Variants in RAB3C observed in about 807,000 individuals in gnomAD.
The protein encoded by RAB3C is ras-related protein Rab-3C.
Under a neutral mutation model 26.4 loss-of-function variants are expected in RAB3C, and 17 were observed. The ratio of observed to expected loss-of-function variants is 0.64; its 90% CI spans 0.44 to 0.97. The LOEUF is 0.97. Among genes scored for constraint, RAB3C ranks in the 50% least tolerant of loss-of-function variants. The pLI, the probability that RAB3C is intolerant of heterozygous loss-of-function variation, is 0.00. For missense variants in RAB3C, 242 were observed against 281.9 expected, an observed-to-expected ratio of 0.86 and a Z score of 1.01; for synonymous variants, 91 against 95.9, an observed-to-expected ratio of 0.95 and a Z score of 0.30.
At chr5:58,786,123 ATTG>A (rs1742374944) in intron 3 of RAB3C, among the ~76,000 whole-genome samples, 1 of 152,214 alleles carries the variant, frequency 6.6e-6, no homozygotes, top group South Asian at 2.1e-4. Flanking sequence ...CAAGGTCTTT[ATTG>A]TTATTTGGAA....
intron 1 of RAB3C, among the ~76,000 whole-genome samples, chr5:58,599,981 C>T (rs1056752075): frequency 1.3e-5 from 2 of 152,044 alleles, no homozygotes; most frequent in African/African-American, 2.4e-5. Context: ...TATAGTTTCA[C>T]GTCTTAGGTT....
intron 3 of RAB3C, among the ~76,000 whole-genome samples, chr5:58,818,701 C>G (rs531827417): frequency 1.3e-5 from 2 of 152,290 alleles, no homozygotes; most frequent in Admixed American, 6.5e-5. Flanking sequence ...AGAAATAAAT[C>G]ATCTTTTCAC....
intron 1 of RAB3C, among the ~76,000 whole-genome samples, chr5:58,584,307 C>T (rs1396699006): frequency 1.3e-5 from 2 of 152,016 alleles, no homozygotes; most frequent in Non-Finnish European, 2.9e-5. Flanking sequence ...TATTAAGAAC[C>T]CCTTACTGGA....
intron 3 of RAB3C, among the ~76,000 whole-genome samples, chr5:58,780,833 T>C (rs1049820312): frequency 3.3e-5 from 5 of 152,130 alleles, no homozygotes; most frequent in African/African-American, 1.2e-4. Context: ...GGCTTCTTCC[T>C]TAATGATGGG....
chr5:58,745,813 T>C (rs771667459), intron 3 of RAB3C, among the ~76,000 whole-genome samples: 2 of 152,330 alleles, frequency 1.3e-5, no homozygotes, highest in African/African-American at 2.4e-5. Flanking sequence ...TATTGTACTT[T>C]GCTGTAAAGT....
At chr5:58,809,648 G>C (rs1743025270) in intron 3 of RAB3C, among the ~76,000 whole-genome samples, 1 of 152,176 alleles carries the variant, frequency 6.6e-6, no homozygotes, top group Admixed American at 6.5e-5. Flanking sequence ...TCAAGCCTCT[G>C]AGAGGTAATT....
chr5:58,851,196 A>G lies in RAB3C; in HGVS notation c.529A>G (p.Asn177Asp). 6.2e-7 allele frequency: 1 copy of G among 1,608,964 alleles called. No homozygotes were observed. The highest frequency in any genetic ancestry group is 1.1e-5 in the South Asian group (1 of 89,786). ...FEFFETSAKDNINVKQTFERL... is the reference protein window; with the variant it reads ...FEFFETSAKDDINVKQTFERL... ...GTTTTTTGAAACAAGTGCCAAGGACAACATTAATGTCAAGCAGACATTTGA... is the reference window on the plus strand; with the variant it reads ...GTTTTTTGAAACAAGTGCCAAGGACGACATTAATGTCAAGCAGACATTTGA... Residue 177 changes from asparagine (N) to aspartate (D), a missense_variant, in exon 5 of 5, where the codon AAC becomes GAC. Asn to Asp is a conservative substitution (Grantham distance 23). Coordinates refer to ENST00000282878, the MANE Select transcript of RAB3C (RefSeq NM_138453.4).
intron 2 of RAB3C, among the ~76,000 whole-genome samples, chr5:58,688,955 TA>T (rs1425264287): frequency 1.3e-5 from 2 of 152,130 alleles, no homozygotes; most frequent in Non-Finnish European, 1.5e-5. Context: ...TCCTCCATAA[TA>T]GGGACTAGAA....
intron 1 of RAB3C, among the ~76,000 whole-genome samples, chr5:58,613,578 A>G (rs556762054): frequency 1.3e-5 from 2 of 152,154 alleles, no homozygotes; most frequent in Admixed American, 6.6e-5. Context: ...AAAGGTTGAC[A>G]CTTTCATAAA....
At chr5:58,587,550 G>A (rs540181765) in intron 1 of RAB3C, among the ~76,000 whole-genome samples, 6 of 152,034 alleles carry the variant, frequency 3.9e-5, no homozygotes, top group East Asian at 1.9e-4. Flanking sequence ...AGCATTTTTC[G>A]TTCATTAGTT....
chr5:58,847,592 A>G (rs1382905180), intron 4 of RAB3C, among the ~76,000 whole-genome samples: 1 of 152,184 alleles, frequency 6.6e-6, no homozygotes, highest in Non-Finnish European at 1.5e-5. Flanking sequence ...TTAGGCCATG[A>G]GCTTTAAGCA....
At chr5:58,756,992 G>A (rs1180673247) in intron 3 of RAB3C, among the ~76,000 whole-genome samples, 2 of 152,256 alleles carry the variant, frequency 1.3e-5, no homozygotes, top group African/African-American at 4.8e-5. Flanking sequence ...TGGTATTTCT[G>A]ATTCTAGATC....
chr5:58,766,821 G>A (rs2111983211), intron 3 of RAB3C, among the ~76,000 whole-genome samples: 1 of 152,286 alleles, frequency 6.6e-6, no homozygotes, highest in Non-Finnish European at 1.5e-5. Context: ...AGTAACACAG[G>A]CTAGCATGTA....
At chr5:58,708,743 T>C (rs1749001679) in intron 2 of RAB3C, among the ~76,000 whole-genome samples, 1 of 152,238 alleles carries the variant, frequency 6.6e-6, no homozygotes, top group African/African-American at 2.4e-5. Flanking sequence ...ATGTTGTCAG[T>C]GAAATTTAAA....
intron 4 of RAB3C, among the ~76,000 whole-genome samples, chr5:58,844,620 G>A (rs1743947396): frequency 6.6e-6 from 1 of 152,094 alleles, no homozygotes; most frequent in Admixed American, 6.6e-5. Context: ...TTGCAGTTCT[G>A]GCCCATCCAG....
intron 2 of RAB3C, among the ~76,000 whole-genome samples, chr5:58,713,933 T>C (rs767526915): frequency 1.3e-5 from 2 of 152,206 alleles, no homozygotes; most frequent in Non-Finnish European, 2.9e-5. Context: ...ACTGAAATTT[T>C]CTTCTAGAAT....
chr5:58,793,132 A>G (rs1046033974), intron 3 of RAB3C, among the ~76,000 whole-genome samples: 1 of 152,178 alleles, frequency 6.6e-6, no homozygotes, highest in African/African-American at 2.4e-5. Flanking sequence ...TCTGCAGAGA[A>G]GGGACACACA....
intron 3 of RAB3C, among the ~76,000 whole-genome samples, chr5:58,807,329 G>A (rs1364466978): frequency 6.6e-6 from 1 of 152,150 alleles, no homozygotes; most frequent in Non-Finnish European, 1.5e-5. Flanking sequence ...CCATCATAAT[G>A]TATCAACTTT....
chr5:58,813,737 G>A (rs1561139565), intron 3 of RAB3C, among the ~76,000 whole-genome samples: 2 of 151,776 alleles, frequency 1.3e-5, no homozygotes, highest in East Asian at 1.9e-4. Context: ...TTAAAGAAGG[G>A]ACCAGTAAGA....
Sources: allele counts gnomAD v4.1 joint callset (sites outside exome capture counted in the v4.1 genomes callset), GRCh38; gene constraint gnomAD v4.1.1; transcripts MANE v1.5; gene names NCBI Gene and HGNC (gene_info 2026-07-23, HGNC 2026-07-21).